DPY19L1: variants seen among roughly 807,000 people sequenced by gnomAD.
DPY19L1 encodes dpy-19 like C-mannosyltransferase 1.
DPY19L1 carries 35 observed loss-of-function variants against 96.9 expected under a neutral mutation model. The observed-to-expected ratio is 0.36, with a 90% CI of 0.28 to 0.48. DPY19L1 has a LOEUF of 0.48. DPY19L1 is among the 20% of genes least tolerant of loss of function. The probability of loss-of-function intolerance (pLI) is 0.99; values close to 1 mark genes in which losing one functional copy is unlikely to be tolerated. For synonymous variants in DPY19L1, 205 were observed against 252.6 expected (o/e 0.81, Z 1.79); for missense variants, 521 against 777.9 (o/e 0.67, Z 3.93).
intron 6 of DPY19L1, among the ~76,000 whole-genome samples, chr7:34,999,199 G>A (rs2128674921): frequency 6.6e-6 from 1 of 152,264 alleles, no homozygotes; most frequent in Middle Eastern, 3.4e-3. Flanking sequence ...AGAGAAAGAT[G>A]AACCCAAAAG....
chr7:34,963,319 T>A (rs1584222083), intron 10 of DPY19L1, among the ~76,000 whole-genome samples: 1 of 151,680 alleles, frequency 6.6e-6, no homozygotes, highest in African/African-American at 2.4e-5. Context: ...ATGGCTACCA[T>A]CCAAGAGCAG....
At chr7:34,954,539 ATACAAT>A (rs1406924160) in intron 13 of DPY19L1, 153 bp downstream of exon 13, 27 of 441,364 alleles carry the variant, frequency 6.1e-5, no homozygotes, top group Non-Finnish European at 1.1e-4. Context: ...GAAAATCTAT[ATACAAT>A]TACATTTACT....
In DPY19L1 at chr7:34,968,208, T is replaced by C. The variant is rs1400751408; in HGVS notation, c.1014+1225A>G. ...GATCAAAGTAAAAAGTAAGTACAAA[T>C]AGAGCCTATTTTAAAAAATAATGAT... is the stretch of plus-strand genomic sequence containing the variant. On this transcript the variant is annotated intron_variant, in intron 9 of 21. Transcript: ENST00000638088. 5.3e-5 allele frequency among the ~76,000 whole-genome samples: 8 copies of C among 152,034 alleles called. No homozygotes were observed. The East Asian group carries it at 5.8e-4, about 11-fold the overall frequency.
chr7:34,968,872 T>C (rs1321522544), intron 9 of DPY19L1, among the ~76,000 whole-genome samples: 1 of 150,776 alleles, frequency 6.6e-6, no homozygotes, highest in Non-Finnish European at 1.5e-5. Flanking sequence ...AATGAATATG[T>C]AATTTACTCC....
chr7:34,984,492 C>T (rs992076576), intron 7 of DPY19L1, among the ~76,000 whole-genome samples: 2 of 152,158 alleles, frequency 1.3e-5, no homozygotes, highest in Non-Finnish European at 2.9e-5. Flanking sequence ...AATCAGAAAT[C>T]CAGCTGGGCA....
At chr7:35,023,264 GTCAC>G (rs1271553547) in intron 1 of DPY19L1, among the ~76,000 whole-genome samples, 1 of 152,148 alleles carries the variant, frequency 6.6e-6, no homozygotes, top group Non-Finnish European at 1.5e-5. Context: ...CGTCCTGAGG[GTCAC>G]TGGGAAGTAC....
At chr7:34,946,061 A>G (rs1371589399) in intron 15 of DPY19L1, among the ~76,000 whole-genome samples, 1 of 152,200 alleles carries the variant, frequency 6.6e-6, no homozygotes, top group Non-Finnish European at 1.5e-5. Flanking sequence ...TGCTTCCACC[A>G]TGCCAACGTT....
At chr7:35,012,536 C>T (rs1562826450) in intron 4 of DPY19L1, among the ~76,000 whole-genome samples, 1 of 151,980 alleles carries the variant, frequency 6.6e-6, no homozygotes, top group South Asian at 2.1e-4. Flanking sequence ...GGATGGACAC[C>T]TCATCAGTGT....
intron 19 of DPY19L1, 117 bp downstream of exon 19, chr7:34,940,036 C>A: frequency 1.1e-6 from 1 of 903,242 alleles, no homozygotes; most frequent in Non-Finnish European, 1.5e-6. Context: ...AGCAACATTG[C>A]ATAGAAAGAG....
chr7:34,999,992 G>C (rs1562821903), intron 6 of DPY19L1, among the ~76,000 whole-genome samples: 1 of 152,124 alleles, frequency 6.6e-6, no homozygotes, highest in Non-Finnish European at 1.5e-5. Context: ...AGACAGATGG[G>C]GCAAGGGACC....
intron 6 of DPY19L1, among the ~76,000 whole-genome samples, chr7:35,010,000 G>A (rs1406691076): frequency 6.6e-6 from 1 of 152,118 alleles, no homozygotes; most frequent in Non-Finnish European, 1.5e-5. Flanking sequence ...AAGCTGAGAT[G>A]GGCAGATCAC....
intron 6 of DPY19L1, among the ~76,000 whole-genome samples, chr7:34,992,049 G>C (rs917553294): frequency 6.6e-6 from 1 of 152,172 alleles, no homozygotes; most frequent in African/African-American, 2.4e-5. Context: ...CTAACTGTGA[G>C]ACACGTGAGT....
chr7:35,015,569 T>C (rs1025122131), intron 3 of DPY19L1, among the ~76,000 whole-genome samples: 1 of 152,256 alleles, frequency 6.6e-6, no homozygotes, highest in African/African-American at 2.4e-5. Context: ...TTACCCTGTA[T>C]GGTCTGAAAG....
chr7:34,987,355 G>T (rs772858125), intron 7 of DPY19L1, among the ~76,000 whole-genome samples: 2 of 151,610 alleles, frequency 1.3e-5, no homozygotes, highest in Non-Finnish European at 2.9e-5. Flanking sequence ...CACAAGTTTC[G>T]GATTTGAAGG....
intron 6 of DPY19L1, among the ~76,000 whole-genome samples, chr7:34,996,998 A>T (rs189625087): frequency 6.6e-6 from 1 of 152,168 alleles, no homozygotes; most frequent in Non-Finnish European, 1.5e-5. Context: ...GATACTCTGA[A>T]GCAGGACAGT....
chr7:35,037,265 G>A lies in DPY19L1; in HGVS notation c.130C>T (p.Pro44Ser), dbSNP rs1214375388. ...GAGEPGPERAPLSPGRKGAAG... is the reference protein window; with the variant it reads ...GAGEPGPERASLSPGRKGAAG... The stretch of plus-strand genomic sequence containing the variant: ...GCGCCCTTGCGCCCCGGGGACAGGG[G>A]CGCGCGCTCGGGCCCCGGCTCCCCG... The change falls in exon 1 of 22, where the codon CCC becomes TCC. Residue 44 changes from proline (P) to serine (S), a missense_variant. Pro to Ser is a moderately conservative substitution (Grantham distance 74). Transcript: ENST00000638088. 3 of 310,076 alleles carry A rather than the reference G, an allele frequency of 9.7e-6. No individual in the cohort carries two copies. The highest frequency in any genetic ancestry group is 1.0e-4 in the Admixed American group (2 of 19,560). 19.2% of individuals were successfully genotyped at this position (310,076 alleles called of 1,614,324 possible). A position where few individuals can be genotyped will look rare whatever the true frequency, so the allele number is the denominator to read the frequency against.
At position 34,958,085 on chromosome 7, in the gene DPY19L1, GA is replaced by G. The variant is rs760701821; in HGVS notation, c.1093-16del. ...GCAAGAGAAATCTGGAAAAATCCAA[GA>G]AAAAAATATAAGTAATGCACATAAA... On this transcript the variant is annotated splice_polypyrimidine_tract_variant and intron_variant, in intron 10 of 21. Transcript: ENST00000638088. The G allele has an allele frequency of 1.9e-6, 3 of 1,546,656 alleles. No homozygotes were observed. Among genetic ancestry groups the G allele is most frequent in the Admixed American group, 2.3e-5 (1 of 44,116 alleles).
At chr7:34,953,729 A>G (rs112904578) in intron 13 of DPY19L1, among the ~76,000 whole-genome samples, 1 of 18,364 alleles carries the variant, frequency 5.4e-5, no homozygotes, top group African/African-American at 6.6e-4. Context: ...TGAATGAATA[A>G]ATACATTTTC....
chr7:34,997,503 G>A (rs1212414924), intron 6 of DPY19L1, among the ~76,000 whole-genome samples: 29 of 149,420 alleles, frequency 1.9e-4, no homozygotes, highest in Admixed American at 4.0e-4. Context: ...CCAGCTACTC[G>A]GGAGGCTGAG....
Sources: allele counts gnomAD v4.1 joint callset (sites outside exome capture counted in the v4.1 genomes callset), GRCh38; gene constraint gnomAD v4.1.1; transcripts MANE v1.5; gene names NCBI Gene and HGNC (gene_info 2026-07-23, HGNC 2026-07-21).